Variants in PRR16 observed in about 807,000 individuals in gnomAD.
PRR16 encodes the protein protein Largen.
In PRR16, 6 loss-of-function variants were observed where a neutral mutation model predicts 18.2. The ratio of observed to expected loss-of-function variants is 0.33; its 90% CI spans 0.18 to 0.65. The LOEUF is 0.65. Ranked by LOEUF, PRR16 falls within the 30% of genes least tolerant of loss-of-function variation. PRR16 has a pLI of 0.74. For missense variants in PRR16, 412 were observed against 376.6 expected, an observed-to-expected ratio of 1.09 and a Z score of -0.78; for synonymous variants, 151 against 147.8, an observed-to-expected ratio of 1.02 and a Z score of -0.16.
chr5:120,652,986 G>C (rs1377797731), intron 1 of PRR16, among the ~76,000 whole-genome samples: 1 of 152,096 alleles, frequency 6.6e-6, no homozygotes, highest in East Asian at 1.9e-4. Flanking sequence ...AAATAACAGT[G>C]CAGATATATT....
intron 1 of PRR16, among the ~76,000 whole-genome samples, chr5:120,491,632 C>T (rs1362560557): frequency 6.6e-6 from 1 of 152,048 alleles, no homozygotes; most frequent in Admixed American, 6.6e-5. Context: ...CAACCTCTGC[C>T]TCTCAGGTTC....
chr5:120,521,491 T>C (rs1209593769), intron 1 of PRR16, among the ~76,000 whole-genome samples: 1 of 151,950 alleles, frequency 6.6e-6, no homozygotes, highest in Non-Finnish European at 1.5e-5. Context: ...ATGGGGCTCA[T>C]TTTTTTTCTT....
the PRR16 span, among the ~76,000 whole-genome samples, chr5:120,708,472 C>T: frequency 6.6e-6 from 1 of 152,160 alleles, no homozygotes; most frequent in Admixed American, 6.5e-5. Flanking sequence ...AAATGATTTC[C>T]TTAGGATATC....
intron 1 of PRR16, among the ~76,000 whole-genome samples, chr5:120,639,802 A>G (rs1387254311): frequency 1.3e-5 from 2 of 151,874 alleles, no homozygotes; most frequent in South Asian, 2.1e-4. Flanking sequence ...CATACCCAAA[A>G]GAAAATAAAT....
At chr5:120,728,586 C>G in the PRR16 span, among the ~76,000 whole-genome samples, 1 of 152,070 alleles carries the variant, frequency 6.6e-6, no homozygotes, top group Non-Finnish European at 1.5e-5. Flanking sequence ...CAAATATGAA[C>G]TTGAGCTTTC....
the PRR16 span, among the ~76,000 whole-genome samples, chr5:120,721,762 A>G: frequency 6.6e-6 from 1 of 152,084 alleles, no homozygotes; most frequent in Admixed American, 6.6e-5. Flanking sequence ...TATAAAGAGG[A>G]AGAGTTCAAG....
chr5:120,488,106 T>C (rs996489984), intron 1 of PRR16, among the ~76,000 whole-genome samples: 1 of 152,196 alleles, frequency 6.6e-6, no homozygotes, highest in African/African-American at 2.4e-5. Context: ...GGTCTAAAAT[T>C]CTCTTTTTTT....
chr5:120,625,298 G>A (rs1754828140), intron 1 of PRR16, among the ~76,000 whole-genome samples: 1 of 152,078 alleles, frequency 6.6e-6, no homozygotes, highest in African/African-American at 2.4e-5. Flanking sequence ...CAATGACTGT[G>A]CGGTAGTGGT....
chr5:120,734,515 T>G, the PRR16 span, among the ~76,000 whole-genome samples: 1 of 150,694 alleles, frequency 6.6e-6, no homozygotes. Flanking sequence ...TTGCTAAACA[T>G]GAAAGACAGT....
At chr5:120,653,891 A>C (rs1755876629) in intron 1 of PRR16, among the ~76,000 whole-genome samples, 3 of 151,908 alleles carry the variant, frequency 2.0e-5, no homozygotes, top group Non-Finnish European at 4.4e-5. Flanking sequence ...ACCCCTCCTC[A>C]CTATCTGGAT....
At chr5:120,718,513 T>A in the PRR16 span, among the ~76,000 whole-genome samples, 4 of 152,104 alleles carry the variant, frequency 2.6e-5, no homozygotes, top group African/African-American at 9.7e-5. Flanking sequence ...AATTCTTTCT[T>A]GTGTGTGTTT....
chr5:120,593,569 A>T (rs1753707758), intron 1 of PRR16, among the ~76,000 whole-genome samples: 1 of 152,014 alleles, frequency 6.6e-6, no homozygotes, highest in Non-Finnish European at 1.5e-5. Flanking sequence ...ATTCTATCAG[A>T]TGTACAAAAA....
chr5:120,747,596 G>A, the PRR16 span, among the ~76,000 whole-genome samples: 1 of 152,094 alleles, frequency 6.6e-6, no homozygotes, highest in Non-Finnish European at 1.5e-5. Context: ...GCTACCCTTG[G>A]CATTCTGTAC....
At chr5:120,739,124 T>C in the PRR16 span, among the ~76,000 whole-genome samples, 2 of 152,060 alleles carry the variant, frequency 1.3e-5, no homozygotes, top group Non-Finnish European at 2.9e-5. Context: ...GGTATAATTT[T>C]GGGAGGCCAC....
At chr5:120,533,204 A>G (rs1751607214) in intron 1 of PRR16, among the ~76,000 whole-genome samples, 3 of 152,330 alleles carry the variant, frequency 2.0e-5, no homozygotes, top group South Asian at 4.1e-4. Flanking sequence ...CACTGAATAT[A>G]TCTTCAAGGA....
intron 1 of PRR16, among the ~76,000 whole-genome samples, chr5:120,558,055 G>A (rs932543100): frequency 2.0e-5 from 3 of 151,744 alleles, no homozygotes; most frequent in African/African-American, 7.3e-5. Flanking sequence ...TACATTAGAT[G>A]TTTTGATACA....
the PRR16 span, among the ~76,000 whole-genome samples, chr5:120,753,188 A>G: frequency 1.3e-5 from 2 of 151,958 alleles, no homozygotes; most frequent in Non-Finnish European, 2.9e-5. Context: ...GGAAAATACA[A>G]GTCAAATGAA....
chr5:120,708,533 G>A, the PRR16 span, among the ~76,000 whole-genome samples: 1 of 152,060 alleles, frequency 6.6e-6, no homozygotes, highest in Non-Finnish European at 1.5e-5. Flanking sequence ...GAATGTTCCA[G>A]TAAACCTCAG....
chr5:120,479,251 G>A (rs998909461), intron 1 of PRR16, among the ~76,000 whole-genome samples: 6 of 152,130 alleles, frequency 3.9e-5, no homozygotes, highest in Non-Finnish European at 8.8e-5. Context: ...TGCTTGTGGG[G>A]ATTGAGTCAT....
Sources: allele counts gnomAD v4.1 joint callset (sites outside exome capture counted in the v4.1 genomes callset), GRCh38; gene constraint gnomAD v4.1.1; transcripts MANE v1.5; gene names NCBI Gene and HGNC (gene_info 2026-07-23, HGNC 2026-07-21).